Variants in UBE4B observed in about 807,000 individuals in gnomAD.
UBE4B encodes ubiquitination factor E4B, also known as ubiquitin conjugation factor E4 B.
A neutral mutation model predicts 148.1 loss-of-function variants in UBE4B; 27 were observed. The observed-to-expected ratio is 0.18, with a 90% CI of 0.13 to 0.25. UBE4B has a LOEUF of 0.25. Ranked by LOEUF, UBE4B falls within the 10% of genes least tolerant of loss-of-function variation. UBE4B has a pLI of 1.00. For synonymous variants in UBE4B, 596 were observed against 619.3 expected (o/e 0.96, Z 0.56); for missense variants, 1,170 against 1,662.4 (o/e 0.70, Z 5.15).
intron 1 of UBE4B, among the ~76,000 whole-genome samples, chr1:10,066,661 T>G (rs975163593): frequency 6.6e-6 from 1 of 151,976 alleles, no homozygotes; most frequent in Non-Finnish European, 1.5e-5. Flanking sequence ...ATCCCAGCAC[T>G]TTGGGAGGCT....
chr1:10,091,653 C>G (rs923323864), intron 2 of UBE4B, among the ~76,000 whole-genome samples: 10 of 152,006 alleles, frequency 6.6e-5, no homozygotes, highest in African/African-American at 2.4e-4. Flanking sequence ...TCACCCAGGC[C>G]GCAGTGCAGT....
At chr1:10,044,671 G>C (rs1046524703) in intron 1 of UBE4B, among the ~76,000 whole-genome samples, 3 of 151,528 alleles carry the variant, frequency 2.0e-5, no homozygotes, top group Admixed American at 6.6e-5. Flanking sequence ...TAACTCCACC[G>C]CTTGGGCTCA....
At chr1:10,130,844 G>T (rs372216045) in intron 14 of UBE4B, 31 bp downstream of exon 14, 1 of 1,587,698 alleles carries the variant, frequency 6.3e-7, no homozygotes, top group African/African-American at 1.3e-5. Flanking sequence ...TCCAGAGGAA[G>T]TATCAAAGAT....
intron 25 of UBE4B, among the ~76,000 whole-genome samples, chr1:10,175,846 A>T (rs1646421848): frequency 6.6e-6 from 1 of 152,108 alleles, no homozygotes; most frequent in Admixed American, 6.6e-5. Context: ...GGTAAGATTA[A>T]TATATAACGT....
chr1:10,162,443 G>C (rs1200614925), intron 23 of UBE4B, among the ~76,000 whole-genome samples: 1 of 152,122 alleles, frequency 6.6e-6, no homozygotes, highest in African/African-American at 2.4e-5. Flanking sequence ...AAAGTGCTGG[G>C]ATTACAGGCG....
intron 1 of UBE4B, among the ~76,000 whole-genome samples, chr1:10,052,818 C>T (rs1359892595): frequency 1.3e-5 from 2 of 152,148 alleles, no homozygotes; most frequent in East Asian, 3.9e-4. Flanking sequence ...GGCTTGTACA[C>T]AGCAGCAATT....
At chr1:10,102,822 A>G in intron 4 of UBE4B, 126 bp from the exon 5 acceptor site, 1 of 1,017,242 alleles carries the variant, frequency 9.8e-7, no homozygotes, top group Non-Finnish European at 1.4e-6. Flanking sequence ...CAGTGGGTGA[A>G]TGGTTTCATG....
At chr1:10,154,116 G>A (rs888935195) in intron 21 of UBE4B, among the ~76,000 whole-genome samples, 2 of 152,096 alleles carry the variant, frequency 1.3e-5, no homozygotes, top group Non-Finnish European at 2.9e-5. Flanking sequence ...GGTGGCATGT[G>A]CCTGTAGTCC....
chr1:10,131,841 G>C (rs575456145), intron 14 of UBE4B, among the ~76,000 whole-genome samples: 2 of 151,492 alleles, frequency 1.3e-5, no homozygotes, highest in African/African-American at 4.9e-5. Context: ...TAATCCCAGC[G>C]ACTTGGGAGG....
chr1:10,109,484 C>T (rs1287202718), intron 7 of UBE4B, among the ~76,000 whole-genome samples: 1 of 152,100 alleles, frequency 6.6e-6, no homozygotes, highest in Non-Finnish European at 1.5e-5. Context: ...TTGGCCGTTA[C>T]AGTGAACTGT....
At chr1:10,040,832 C>T (rs144295618) in intron 1 of UBE4B, among the ~76,000 whole-genome samples, 1 of 151,888 alleles carries the variant, frequency 6.6e-6, no homozygotes, top group Non-Finnish European at 1.5e-5. Flanking sequence ...GTTGGCTTGG[C>T]GGGTCTCAAA....
chr1:10,087,821 A>G (rs959801387), intron 2 of UBE4B, among the ~76,000 whole-genome samples: 7 of 152,196 alleles, frequency 4.6e-5, no homozygotes, highest in Admixed American at 2.6e-4. Flanking sequence ...CCCACACTTA[A>G]GGGGTGGGAA....
intron 5 of UBE4B, among the ~76,000 whole-genome samples, chr1:10,104,738 G>T (rs1418508682): frequency 6.6e-6 from 1 of 152,168 alleles, no homozygotes; most frequent in Non-Finnish European, 1.5e-5. Context: ...TCTTACACAT[G>T]TAAGTGGCAA....
chr1:10,040,196 C>G (rs1643701620), intron 1 of UBE4B, among the ~76,000 whole-genome samples: 1 of 151,732 alleles, frequency 6.6e-6, no homozygotes, highest in South Asian at 2.1e-4. Context: ...GCAACCTCAG[C>G]TCACTGCAAC....
intron 14 of UBE4B, among the ~76,000 whole-genome samples, chr1:10,132,128 C>CA (rs879567902): frequency 7.4e-4 from 110 of 149,600 alleles, no homozygotes; most frequent in Non-Finnish European, 1.0e-3. Context: ...GACTCTGTCT[C>CA]AAAAAAAAAC....
intron 2 of UBE4B, among the ~76,000 whole-genome samples, chr1:10,079,822 C>T (rs1644647281): frequency 6.6e-6 from 1 of 152,286 alleles, no homozygotes; most frequent in Non-Finnish European, 1.5e-5. Flanking sequence ...GATTATTTAA[C>T]TTAAAATTAT....
In UBE4B at chr1:10,168,899, A is replaced by G. The variant is rs1349039534; in HGVS notation, c.3333+629A>G. Among the ~76,000 whole-genome samples, 6 of 151,976 alleles carry G rather than the reference A, an allele frequency of 3.9e-5. No individual in the cohort carries two copies. The highest frequency in any genetic ancestry group is 7.4e-5 in the Non-Finnish European group (5 of 67,978). Reference sequence around the variant, plus strand: ...AGAGTGAGACTCCATCTCAAAAAAAAAAAAAAAAGAAGAAGAAAAAGCATA... The same window carrying G: ...AGAGTGAGACTCCATCTCAAAAAAAGAAAAAAAAGAAGAAGAAAAAGCATA... On this transcript the variant is annotated intron_variant, in intron 24 of 27. Coordinates refer to ENST00000343090, the MANE Select transcript of UBE4B (RefSeq NM_001105562.3). The surrounding 1 kb of genome is among the most constrained non-coding windows in gnomAD (Gnocchi z 4.9).
At chr1:10,040,332 A>G (rs1643706394) in intron 1 of UBE4B, among the ~76,000 whole-genome samples, 1 of 151,324 alleles carries the variant, frequency 6.6e-6, no homozygotes, top group South Asian at 2.1e-4. Flanking sequence ...CTGGTCTTGA[A>G]CTCCAGACCT....
At chr1:10,150,898 A>G (rs1324625628) in intron 20 of UBE4B, among the ~76,000 whole-genome samples, 2 of 148,750 alleles carry the variant, frequency 1.3e-5, no homozygotes, top group African/African-American at 2.5e-5. Context: ...GCAGTGGCTC[A>G]TGCCTGTAAT....
Sources: allele counts gnomAD v4.1 joint callset (sites outside exome capture counted in the v4.1 genomes callset), GRCh38; gene constraint gnomAD v4.1.1; non-coding constraint Gnocchi (gnomAD v3.1); transcripts MANE v1.5; gene names NCBI Gene and HGNC (gene_info 2026-07-23, HGNC 2026-07-21).